The following FOCAD variants were observed in gnomAD, a reference collection of about 807,000 sequenced individuals.
FOCAD encodes the protein focadhesin, also known as KIAA1797.
A neutral mutation model predicts 225.6 loss-of-function variants in FOCAD; 198 were observed. The observed-to-expected ratio is 0.88, with a 90% CI of 0.78 to 0.99. The LOEUF (loss-of-function observed/expected upper bound fraction) is 0.99. Among genes scored for constraint, FOCAD ranks in the 50% least tolerant of loss-of-function variants. The probability of loss-of-function intolerance (pLI) is 0.00; values close to 1 mark genes in which losing one functional copy is unlikely to be tolerated. For synonymous variants in FOCAD, 897 were observed against 755.0 expected (o/e 1.19, Z -3.08); for missense variants, 2,713 against 2,123.6 (o/e 1.28, Z -5.46).
chr9:20,968,563 T>G (rs1346754388), intron 35 of FOCAD, among the ~76,000 whole-genome samples: 1 of 147,822 alleles, frequency 6.8e-6, no homozygotes, highest in Non-Finnish European at 1.5e-5. Flanking sequence ...TGCCTCAGCC[T>G]CCTGAGTAGC....
rs544664508 is a variant in FOCAD at position 20,964,337 on chromosome 9, T to C, written c.4132+11272T>C. Among the ~76,000 whole-genome samples the C allele has an allele frequency of 2.6e-4, 40 of 152,136 alleles. No individual in the cohort carries two copies. In the South Asian group the frequency reaches 8.1e-3, roughly 31 times the overall value. On this transcript the variant is annotated intron_variant, in intron 35 of 43. Coordinates refer to ENST00000338382, the MANE Select transcript of FOCAD (RefSeq NM_001375567.1). Reference sequence around the variant, plus strand: ...TTAGTGCTGCTGCACTTACTTGCAGTGAACCAAGATAGTGCTACTGCACTT... The same window carrying C: ...TTAGTGCTGCTGCACTTACTTGCAGCGAACCAAGATAGTGCTACTGCACTT...
chr9:20,956,796 T>G (rs181739961), intron 35 of FOCAD, among the ~76,000 whole-genome samples: 178 of 152,258 alleles, frequency 1.2e-3, no homozygotes, highest in Non-Finnish European at 1.8e-3. Context: ...GCTATTATCA[T>G]TTCTGGATAT....
At chr9:20,957,478 C>CTTTTCTTTTTTTTTTTTTTTTTTT (rs1554741394) in intron 35 of FOCAD, 1 of 81,480 alleles carries the variant, frequency 1.2e-5, no homozygotes, top group African/African-American at 4.9e-5. Flanking sequence ...CTTTTCTTTT[C>CTTTTCTTTTTTTTTTTTTTTTTTT]TTTTTTTTTT....
intron 22 of FOCAD, among the ~76,000 whole-genome samples, chr9:20,911,803 T>C (rs1833461303): frequency 1.3e-5 from 2 of 152,178 alleles, no homozygotes; most frequent in South Asian, 4.1e-4. Context: ...TGTATCACTT[T>C]TCTAAGTATG....
intron 42 of FOCAD, among the ~76,000 whole-genome samples, chr9:20,993,037 C>T (rs377233412): frequency 7.9e-5 from 12 of 152,018 alleles, no homozygotes; most frequent in African/African-American, 2.9e-4. Flanking sequence ...GGTCATTTAA[C>T]TAAATGGGAG....
chr9:20,769,429 A>G (rs1193934005), intron 7 of FOCAD, among the ~76,000 whole-genome samples: 1 of 152,254 alleles, frequency 6.6e-6, no homozygotes, highest in Non-Finnish European at 1.5e-5. Flanking sequence ...AATTTTGATC[A>G]GAACAGCTGG....
intron 19 of FOCAD, 96 bp from the exon 20 acceptor site, chr9:20,881,775 T>C (rs1488818819): frequency 2.4e-6 from 3 of 1,238,396 alleles, no homozygotes; most frequent in East Asian, 2.3e-5. Context: ...TGGCCAGAAA[T>C]GTAGCTTAGT....
At chr9:20,861,865 C>A (rs752797879) in intron 15 of FOCAD, among the ~76,000 whole-genome samples, 1 of 151,932 alleles carries the variant, frequency 6.6e-6, no homozygotes, top group Non-Finnish European at 1.5e-5. Context: ...TCAGTGTTAG[C>A]TGGAATTGAA....
At chr9:20,788,387 G>A (rs993836974) in intron 10 of FOCAD, among the ~76,000 whole-genome samples, 1 of 152,086 alleles carries the variant, frequency 6.6e-6, no homozygotes, top group Non-Finnish European at 1.5e-5. Context: ...AGTGATGATG[G>A]TTGCACAGCT....
At chr9:20,811,256 G>C (rs1442556928) in intron 11 of FOCAD, among the ~76,000 whole-genome samples, 1 of 152,024 alleles carries the variant, frequency 6.6e-6, no homozygotes, top group Non-Finnish European at 1.5e-5. Flanking sequence ...AAGTACATGG[G>C]TTTTAGTGTT....
At chr9:20,768,383 T>G (rs1364138714) in intron 7 of FOCAD, among the ~76,000 whole-genome samples, 2 of 152,182 alleles carry the variant, frequency 1.3e-5, no homozygotes, top group Non-Finnish European at 2.9e-5. Flanking sequence ...GGTAGCTTGC[T>G]GGGGATGGCA....
chr9:20,833,745 A>G (rs926165756), intron 15 of FOCAD, among the ~76,000 whole-genome samples: 28 of 152,224 alleles, frequency 1.8e-4, no homozygotes, highest in Admixed American at 1.2e-3. Flanking sequence ...CTGCTCTTCA[A>G]AAAAGTTATA....
intron 2 of FOCAD, among the ~76,000 whole-genome samples, chr9:20,677,957 A>C (rs555859129): frequency 9.2e-5 from 14 of 152,360 alleles, no homozygotes; most frequent in Admixed American, 6.5e-4. Context: ...TTGGATAAAG[A>C]AAATGTATGT....
At chr9:20,926,937 A>G (rs1835011161) in intron 26 of FOCAD, among the ~76,000 whole-genome samples, 2 of 150,876 alleles carry the variant, frequency 1.3e-5, no homozygotes, top group Non-Finnish European at 3.0e-5. Context: ...TTATATATGT[A>G]AATTATAAGA....
intron 11 of FOCAD, among the ~76,000 whole-genome samples, chr9:20,806,521 G>A (rs183805621): frequency 6.6e-6 from 1 of 152,052 alleles, no homozygotes; most frequent in African/African-American, 2.4e-5. Context: ...ATTAAAACTT[G>A]ATAAGGGGCA....
At chr9:20,782,469 A>G (rs1033003743) in intron 10 of FOCAD, among the ~76,000 whole-genome samples, 1 of 152,144 alleles carries the variant, frequency 6.6e-6, no homozygotes, top group Non-Finnish European at 1.5e-5. Flanking sequence ...CAGGCCTGCC[A>G]CATTCCGTTT....
chr9:20,986,283 T>TTTTTTTTTTTTTTTTTTTTTTTTTTTTAA lies in FOCAD; in HGVS notation c.4729-5_4729-4insTTTTTTTTTTTTTTTTTTTTTTTTTTTAA. The TTTTTTTTTTTTTTTTTTTTTTTTTTTTAA allele has an allele frequency of 6.8e-7, 1 of 1,476,882 alleles. No homozygotes were observed. The highest frequency in any genetic ancestry group is 9.0e-7 in the Non-Finnish European group (1 of 1,113,550). 91.5% of individuals were successfully genotyped at this position (1,476,882 alleles called of 1,614,324 possible). ...ACTAAACAATTTTTTTTTTTTTTTT[T>TTTTTTTTTTTTTTTTTTTTTTTTTTTTAA]GCAGAGCAACATAGAAAAAGCTGCC... On this transcript the variant is annotated splice_polypyrimidine_tract_variant and splice_region_variant and intron_variant, in intron 39 of 43. Coordinates refer to ENST00000338382, the MANE Select transcript of FOCAD (RefSeq NM_001375567.1).
At chr9:20,811,480 C>T (rs1823071329) in intron 11 of FOCAD, among the ~76,000 whole-genome samples, 1 of 152,066 alleles carries the variant, frequency 6.6e-6, no homozygotes. Flanking sequence ...GAAAGATTGT[C>T]TGGTTGGGAC....
intron 15 of FOCAD, among the ~76,000 whole-genome samples, chr9:20,854,299 AT>A (rs539702235): frequency 6.6e-6 from 1 of 150,508 alleles, no homozygotes; most frequent in Non-Finnish European, 1.5e-5. Context: ...GAGGTTCACT[AT>A]TTTTTTTTCT....
Sources: allele counts gnomAD v4.1 joint callset (sites outside exome capture counted in the v4.1 genomes callset), GRCh38; gene constraint gnomAD v4.1.1; transcripts MANE v1.5; gene names NCBI Gene and HGNC (gene_info 2026-07-23, HGNC 2026-07-21).